The following SASS6 variants were observed in gnomAD, a reference collection of about 807,000 sequenced individuals.
The protein encoded by SASS6 is SAS-6 centriolar assembly protein.
Under a neutral mutation model 94.9 loss-of-function variants are expected in SASS6, and 59 were observed. That is an observed-to-expected ratio of 0.62 (90% CI 0.50 to 0.77). The LOEUF is 0.77. Ranked by LOEUF, SASS6 falls within the 30% of genes least tolerant of loss-of-function variation. The probability of loss-of-function intolerance (pLI) is 0.00; values close to 1 mark genes in which losing one functional copy is unlikely to be tolerated. For synonymous variants in SASS6, 264 were observed against 270.0 expected, an observed-to-expected ratio of 0.98 and a Z score of 0.22; for missense variants, 698 against 734.1, an observed-to-expected ratio of 0.95 and a Z score of 0.57.
chr1:100,112,979 G>A (rs554966728), intron 7 of SASS6, among the ~76,000 whole-genome samples: 49 of 152,126 alleles, frequency 3.2e-4, no homozygotes, highest in Non-Finnish European at 5.4e-4. Flanking sequence ...TTAAAGTCCC[G>A]AAGGGCTGCC....
chr1:100,098,058 T>C (rs150197398), intron 14 of SASS6, among the ~76,000 whole-genome samples: 6 of 152,294 alleles, frequency 3.9e-5, no homozygotes, highest in Middle Eastern at 3.4e-3. Context: ...ACTAAAATTA[T>C]TGAACTAATC....
chr1:100,100,667 T>C (rs1447358975), intron 14 of SASS6, among the ~76,000 whole-genome samples: 1 of 152,232 alleles, frequency 6.6e-6, no homozygotes, highest in African/African-American at 2.4e-5. Flanking sequence ...CAGTTAAACA[T>C]CCTTGAATGT....
intron 8 of SASS6, among the ~76,000 whole-genome samples, chr1:100,108,950 A>G (rs1465829345): frequency 6.6e-6 from 1 of 152,026 alleles, no homozygotes; most frequent in Non-Finnish European, 1.5e-5. Context: ...AAAAATTGTT[A>G]CTTAAAATAG....
Position 100,107,855 on chromosome 1 carries a change from AAGCTGGTCCTTATCCTTG to A in SASS6, c.993_1010del (p.Lys332_Leu337del). The A allele has an allele frequency of 6.2e-7, 1 of 1,613,076 alleles. No individual in the cohort carries two copies. Among genetic ancestry groups the A allele is most frequent in the East Asian group, 2.2e-5 (1 of 44,772 alleles). ...CAAATGCCTCTTTTGTTCTTAAAAC[AAGCTGGTCCTTATCCTTG>A]ATTTCCTGTTCTAAAACTGCCACTT... On this transcript the variant is annotated inframe_deletion, in exon 9 of 17. Coordinates refer to ENST00000287482, the MANE Select transcript of SASS6 (RefSeq NM_194292.3).
chr1:100,088,387 C>T, intron 14 of SASS6, 151 bp from the exon 15 acceptor site: 4 of 500,344 alleles, frequency 8.0e-6, no homozygotes, highest in Non-Finnish European at 1.5e-5. Flanking sequence ...ATCTCCTGGG[C>T]TCAAGCGATC....
At chr1:100,106,818 C>T in intron 12 of SASS6, 94 bp downstream of exon 12, 1 of 642,322 alleles carries the variant, frequency 1.6e-6, no homozygotes, top group Non-Finnish European at 2.8e-6. Flanking sequence ...CATGCCACTG[C>T]ACTCCAGCCT....
intron 14 of SASS6, among the ~76,000 whole-genome samples, chr1:100,092,284 GAAC>G (rs1054382322): frequency 2.0e-5 from 3 of 151,990 alleles, no homozygotes; most frequent in Non-Finnish European, 4.4e-5. Context: ...AAAAGAGGCA[GAAC>G]AACAGTTTTA....
chr1:100,109,101 A>G (rs1570697681), intron 8 of SASS6, among the ~76,000 whole-genome samples: 1 of 152,090 alleles, frequency 6.6e-6, no homozygotes. Flanking sequence ...GACCAGTTCC[A>G]GGGCTGAGAA....
chr1:100,107,353 A>G (rs756470189), intron 11 of SASS6, 21 bp downstream of exon 11: 1 of 1,497,948 alleles, frequency 6.7e-7, no homozygotes, highest in Admixed American at 2.1e-5. Context: ...TTACAACATA[A>G]AAATTTAAAA....
chr1:100,125,272 AAT>A (rs1168592722), intron 2 of SASS6, among the ~76,000 whole-genome samples: 1 of 148,268 alleles, frequency 6.7e-6, no homozygotes, highest in Non-Finnish European at 1.5e-5. Flanking sequence ...ACAGCAATAA[AAT>A]ATATTTTTAT....
At position 100,085,379 on chromosome 1, in the gene SASS6, C is replaced by T. The variant is rs770629923; in HGVS notation, c.1923G>A (p.Ala641=). The T allele has an allele frequency of 1.1e-5, 18 of 1,613,338 alleles. No individual in the cohort carries two copies. The highest frequency in any genetic ancestry group is 3.3e-5 in the Admixed American group (2 of 59,984). Residue 641 remains alanine, a synonymous_variant, in exon 17 of 17, where the codon GCG becomes GCA. Transcript: ENST00000287482. ...AATAGGCTGAAGACGCAGAGGGGAG[C>T]GCTGTGGGTTTGGAAGATGTATGTA... The part of the protein sequence containing the change: ...GALHTSSKPT[A]LPSASSAYFP...
intron 14 of SASS6, among the ~76,000 whole-genome samples, chr1:100,095,746 C>G (rs1652062980): frequency 1.3e-5 from 2 of 152,060 alleles, no homozygotes; most frequent in African/African-American, 4.8e-5. Context: ...GATCAACATA[C>G]AAAAATGACA....
At chr1:100,118,915 G>T in intron 7 of SASS6, 103 bp downstream of exon 7, 1 of 702,386 alleles carries the variant, frequency 1.4e-6, no homozygotes, top group Non-Finnish European at 2.2e-6. Context: ...ATATACTTCT[G>T]TAACGTTTGG....
intron 7 of SASS6, among the ~76,000 whole-genome samples, chr1:100,118,668 G>A (rs574809770): frequency 1.4e-4 from 21 of 152,204 alleles, no homozygotes; most frequent in African/African-American, 4.8e-4. Context: ...AGCGAAGAAA[G>A]TTACAATCAA....
intron 8 of SASS6, among the ~76,000 whole-genome samples, chr1:100,108,538 A>T (rs1035034397): frequency 2.0e-5 from 3 of 152,126 alleles, no homozygotes; most frequent in Admixed American, 6.5e-5. Flanking sequence ...ATAGATTTTT[A>T]AAAAATCTAC....
intron 14 of SASS6, among the ~76,000 whole-genome samples, chr1:100,099,008 T>C (rs752353779): frequency 6.6e-6 from 1 of 152,186 alleles, no homozygotes; most frequent in Non-Finnish European, 1.5e-5. Flanking sequence ...GTAGGGACTT[T>C]TAGATAGTAC....
At chr1:100,128,835 T>C (rs1570714554) in intron 1 of SASS6, among the ~76,000 whole-genome samples, 2 of 152,134 alleles carry the variant, frequency 1.3e-5, no homozygotes, top group African/African-American at 2.4e-5. Context: ...AACTGGATTC[T>C]AGGCCATCTC....
chr1:100,087,211 G>A (rs1651358924), intron 15 of SASS6, among the ~76,000 whole-genome samples: 1 of 152,048 alleles, frequency 6.6e-6, no homozygotes, highest in Non-Finnish European at 1.5e-5. Context: ...TGGAACTCCC[G>A]GCCTCAAGTG....
chr1:100,107,737 C>A lies in SASS6; in HGVS notation c.1057-20G>T, dbSNP rs1388744453. On this transcript the variant is annotated intron_variant, in intron 9 of 16. Coordinates refer to ENST00000287482, the MANE Select transcript of SASS6 (RefSeq NM_194292.3). Reference sequence around the variant, plus strand: ...AACCACCTGATATATTTTTTAAAAACATGAATAATTAGGGCATTTGTGTTT... The same window carrying A: ...AACCACCTGATATATTTTTTAAAAAAATGAATAATTAGGGCATTTGTGTTT... 2 of 1,564,910 alleles carry A rather than the reference C, an allele frequency of 1.3e-6. No homozygotes were observed. The highest frequency in any genetic ancestry group is 2.7e-5 in the African/African-American group (2 of 73,172).
Sources: gnomAD v4.1 joint callset for allele counts (sites outside exome capture counted in the v4.1 genomes callset) on GRCh38, gnomAD v4.1.1 for gene constraint, MANE v1.5 for transcripts, NCBI Gene and HGNC (gene_info 2026-07-23, HGNC 2026-07-21) for gene names.